MLLT3: variants seen among roughly 807,000 people sequenced by gnomAD.
MLLT3 encodes protein AF-9.
In MLLT3, 4 loss-of-function variants were observed where a neutral mutation model predicts 53.2. The observed-to-expected ratio is 0.08, with a 90% CI of 0.04 to 0.17. The LOEUF is 0.17. MLLT3 is among the 10% of genes least tolerant of loss of function. The pLI is 1.00. For synonymous variants in MLLT3, 283 were observed against 230.6 expected, an observed-to-expected ratio of 1.23 and a Z score of -2.06; for missense variants, 569 against 684.0, an observed-to-expected ratio of 0.83 and a Z score of 1.87.
chr9:20,604,077 C>A (rs1014998004), intron 2 of MLLT3, among the ~76,000 whole-genome samples: 1 of 152,054 alleles, frequency 6.6e-6, no homozygotes, highest in Non-Finnish European at 1.5e-5. Flanking sequence ...GATTTAATCA[C>A]GTAGCAGTGG....
intron 2 of MLLT3, among the ~76,000 whole-genome samples, chr9:20,578,873 T>G (rs2131171965): frequency 6.6e-6 from 1 of 152,252 alleles, no homozygotes; most frequent in South Asian, 2.1e-4. Context: ...ATATGTTAAG[T>G]GATATTTTGG....
chr9:20,424,917 A>G (rs1324327524), intron 4 of MLLT3, among the ~76,000 whole-genome samples: 1 of 152,196 alleles, frequency 6.6e-6, no homozygotes, highest in African/African-American at 2.4e-5. Context: ...CTTTATAAAT[A>G]ACATGTATAT....
chr9:20,561,950 TG>T lies in MLLT3; in HGVS notation c.193+58703del, dbSNP rs201097028. On this transcript the variant is annotated intron_variant, in intron 2 of 10. Coordinates refer to ENST00000380338, the MANE Select transcript of MLLT3 (RefSeq NM_004529.4). The stretch of plus-strand genomic sequence containing the variant: ...TTTTGGTTTGTTTGGGTTTGAGGGG[TG>T]GGGGGGCAGAGATTAGGGAACAGAA... 9.9e-3 allele frequency among the ~76,000 whole-genome samples: 1,425 copies of T among 143,734 alleles called. 26 individuals are homozygous for T. The highest frequency in any genetic ancestry group is 0.035 in the African/African-American group (1,359 of 38,524). The allele number at this position is 143,734 out of a possible 152,430, so 94.3% of individuals were successfully genotyped here.
At chr9:20,593,941 A>AT (rs35062068) in intron 2 of MLLT3, among the ~76,000 whole-genome samples, 53,562 of 141,868 alleles carry the variant, frequency 0.38, 10,478 homozygotes, top group Middle Eastern at 0.52. Context: ...CAATGTTCTC[A>AT]TTTTTTTTTT....
chr9:20,456,593 T>C lies in MLLT3; in HGVS notation c.276+111A>G, dbSNP rs1586962377. The C allele has an allele frequency of 6.6e-6, 5 of 762,710 alleles. No individual in the cohort carries two copies. The South Asian group carries it at 8.3e-5, about 13-fold the overall frequency. 47.2% of individuals were successfully genotyped at this position (762,710 alleles called of 1,614,324 possible). A position where few individuals can be genotyped will look rare whatever the true frequency, so the allele number is the denominator to read the frequency against. On this transcript the variant is annotated intron_variant, in intron 3 of 10. Coordinates refer to ENST00000380338, the MANE Select transcript of MLLT3 (RefSeq NM_004529.4). ...ATTCCTAGAAGACAAATTTAACTTT[T>C]ATTTTAAAATCATCTAGTGACAGAA...
At position 20,397,643 on chromosome 9, in the gene MLLT3, G is replaced by A. The variant is rs7856946; in HGVS notation, c.1125+16078C>T. ...TCTATATTTACCTAAGTTTTAGGGT[G>A]TCTTAATAAGGTTTCAAAGTACATG... On this transcript the variant is annotated intron_variant, in intron 5 of 10. Coordinates refer to ENST00000380338, the MANE Select transcript of MLLT3 (RefSeq NM_004529.4). Among the ~76,000 whole-genome samples the A allele has an allele frequency of 2.8e-3, 419 of 152,248 alleles. 2 individuals carry two copies. Among genetic ancestry groups the A allele is most frequent in the African/African-American group, 9.3e-3 (385 of 41,550 alleles).
intron 7 of MLLT3, among the ~76,000 whole-genome samples, chr9:20,362,496 A>G (rs756199857): frequency 6.6e-6 from 1 of 152,158 alleles, no homozygotes; most frequent in Admixed American, 6.6e-5. Flanking sequence ...TTATAAGGCC[A>G]TGGGCATATT....
At chr9:20,460,206 A>G (rs1429534218) in intron 2 of MLLT3, among the ~76,000 whole-genome samples, 1 of 152,218 alleles carries the variant, frequency 6.6e-6, no homozygotes, top group African/African-American at 2.4e-5. Context: ...CTCTCACTGC[A>G]TCAAGTTTAT....
chr9:20,487,796 C>T (rs1824851230), intron 2 of MLLT3, among the ~76,000 whole-genome samples: 1 of 151,982 alleles, frequency 6.6e-6, no homozygotes, highest in Non-Finnish European at 1.5e-5. Flanking sequence ...TTCTAGTAGC[C>T]ATAGACTAAA....
chr9:20,415,981 T>C (rs75175465), intron 4 of MLLT3, among the ~76,000 whole-genome samples: 1,953 of 152,042 alleles, frequency 0.013, 45 homozygotes, highest in African/African-American at 0.043. Flanking sequence ...TGAATGAAGT[T>C]ACTAAGCAAA....
chr9:20,345,982 A>C lies in MLLT3; in HGVS notation c.*461T>G, dbSNP rs761580487. The C allele has an allele frequency of 8.5e-6, 2 of 234,166 alleles. No individual in the cohort carries two copies. The highest frequency in any genetic ancestry group is 1.7e-5 in the Non-Finnish European group (2 of 118,400). The allele number at this position is 234,166 out of a possible 1,614,324, so 14.5% of individuals were successfully genotyped here. On this transcript the variant is annotated 3_prime_UTR_variant, in exon 11 of 11. Coordinates refer to ENST00000380338, the MANE Select transcript of MLLT3 (RefSeq NM_004529.4). ...AGCATCCACGGGACCAAGTACTTATAATGTCTGATGGTGTCATTCCCTCAA... is the reference window on the plus strand; with the variant it reads ...AGCATCCACGGGACCAAGTACTTATCATGTCTGATGGTGTCATTCCCTCAA...
At chr9:20,493,810 G>C (rs1357948738) in intron 2 of MLLT3, among the ~76,000 whole-genome samples, 3 of 151,976 alleles carry the variant, frequency 2.0e-5, no homozygotes, top group Non-Finnish European at 4.4e-5. Context: ...TCACATTATT[G>C]TCTTTCTGCA....
intron 2 of MLLT3, among the ~76,000 whole-genome samples, chr9:20,585,297 G>A (rs959261260): frequency 9.9e-5 from 15 of 152,026 alleles, no homozygotes; most frequent in African/African-American, 3.6e-4. Context: ...ACATATTTAT[G>A]GTACACAACA....
At chr9:20,535,774 C>G (rs1818466837) in intron 2 of MLLT3, among the ~76,000 whole-genome samples, 1 of 152,270 alleles carries the variant, frequency 6.6e-6, no homozygotes, top group Non-Finnish European at 1.5e-5. Context: ...TCCCACATGT[C>G]CCACATCCTC....
chr9:20,509,389 T>A (rs1369544989), intron 2 of MLLT3, among the ~76,000 whole-genome samples: 1 of 152,206 alleles, frequency 6.6e-6, no homozygotes, highest in Non-Finnish European at 1.5e-5. Context: ...CTTTTACTGT[T>A]TCTTTATAAT....
Position 20,341,717 on chromosome 9 carries a change from TCTCCTTCCTGTCTAA to T in MLLT3, c.*4711_*4725del, listed in dbSNP as rs1820741135. 1 of 185,996 alleles carries T rather than the reference TCTCCTTCCTGTCTAA, an allele frequency of 5.4e-6. No individual in the cohort carries two copies. Among genetic ancestry groups the T allele is most frequent in the African/African-American group, 2.3e-5 (1 of 42,664 alleles). The allele number at this position is 185,996 out of a possible 1,614,324, so 11.5% of individuals were successfully genotyped here. ...TTATTCTCTTTGTTGTAGTAGTTGT[TCTCCTTCCTGTCTAA>T]TCAAGGTAGCAGTTCTTGCTGTGAA... On this transcript the variant is annotated 3_prime_UTR_variant, in exon 11 of 11. Transcript: ENST00000380338.
intron 2 of MLLT3, among the ~76,000 whole-genome samples, chr9:20,597,065 G>A (rs143461573): frequency 8.6e-5 from 13 of 151,820 alleles, no homozygotes; most frequent in Non-Finnish European, 1.8e-4. Flanking sequence ...AAATAAAATT[G>A]TTTCCTTAAT....
intron 5 of MLLT3, among the ~76,000 whole-genome samples, chr9:20,395,560 G>A (rs1822300927): frequency 6.6e-6 from 1 of 152,034 alleles, no homozygotes; most frequent in African/African-American, 2.4e-5. Context: ...ATGCAAAACT[G>A]TTTTTGCCTT....
At chr9:20,397,066 A>G (rs1016781628) in intron 5 of MLLT3, among the ~76,000 whole-genome samples, 2 of 152,182 alleles carry the variant, frequency 1.3e-5, no homozygotes, top group Admixed American at 6.5e-5. Context: ...TCTTTCTTAG[A>G]TAAATCACAC....
Sources: allele counts gnomAD v4.1 joint callset (sites outside exome capture counted in the v4.1 genomes callset), GRCh38; gene constraint gnomAD v4.1.1; transcripts MANE v1.5; gene names NCBI Gene and HGNC (gene_info 2026-07-23, HGNC 2026-07-21).